Variants in ATF2 observed in about 807,000 individuals in gnomAD.
The protein encoded by ATF2 is activating transcription factor 2.
ATF2 carries 24 observed loss-of-function variants against 60.6 expected under a neutral mutation model. That is an observed-to-expected ratio of 0.40 (90% CI 0.29 to 0.56). The LOEUF (loss-of-function observed/expected upper bound fraction) is 0.56, where lower values mean the gene tolerates loss of function less well. ATF2 is among the 20% of genes least tolerant of loss of function. ATF2 has a pLI of 0.54. For synonymous variants in ATF2, 206 were observed against 215.4 expected, an observed-to-expected ratio of 0.96 and a Z score of 0.38; for missense variants, 433 against 607.7, an observed-to-expected ratio of 0.71 and a Z score of 3.02.
chr2:175,128,338 T>TA (rs1264185348), intron 4 of ATF2, among the ~76,000 whole-genome samples: 4 of 152,106 alleles, frequency 2.6e-5, no homozygotes, highest in Admixed American at 2.6e-4. Context: ...CCATCTCTAC[T>TA]AAAAATACAA....
At chr2:175,094,916 T>G (rs924407115) in intron 11 of ATF2, among the ~76,000 whole-genome samples, 4 of 152,132 alleles carry the variant, frequency 2.6e-5, no homozygotes, top group Non-Finnish European at 4.4e-5. Flanking sequence ...GTACTCCGCA[T>G]GGGCAACAGA....
At chr2:175,119,584 A>G (rs1176734356) in intron 5 of ATF2, among the ~76,000 whole-genome samples, 1 of 151,628 alleles carries the variant, frequency 6.6e-6, no homozygotes, top group Non-Finnish European at 1.5e-5. Flanking sequence ...AGGCACTGTT[A>G]GTAATATCAG....
chr2:175,091,161 T>C (rs2105581855), intron 12 of ATF2, among the ~76,000 whole-genome samples: 1 of 152,278 alleles, frequency 6.6e-6, no homozygotes, highest in South Asian at 2.1e-4. Context: ...ATAAGCCAAA[T>C]TACAAAGGAA....
chr2:175,119,429 T>C (rs912580477), intron 5 of ATF2, among the ~76,000 whole-genome samples: 3 of 151,624 alleles, frequency 2.0e-5, no homozygotes, highest in Non-Finnish European at 4.4e-5. Context: ...AACCATTATG[T>C]CCCCACAGAG....
chr2:175,139,919 T>G (rs543040220), intron 2 of ATF2, among the ~76,000 whole-genome samples: 2 of 152,020 alleles, frequency 1.3e-5, no homozygotes, highest in East Asian at 3.9e-4. Context: ...TACTCACTCA[T>G]GAACATAAAG....
At chr2:175,083,745 T>C (rs1693934607) in intron 12 of ATF2, among the ~76,000 whole-genome samples, 1 of 152,148 alleles carries the variant, frequency 6.6e-6, no homozygotes, top group South Asian at 2.1e-4. Context: ...AACCTACTTA[T>C]CTGACAAAGG....
chr2:175,110,058 C>T (rs71419419), intron 10 of ATF2, among the ~76,000 whole-genome samples: 5 of 152,052 alleles, frequency 3.3e-5, no homozygotes, highest in African/African-American at 7.2e-5. Flanking sequence ...TTTTTCAGGC[C>T]GGGTGTGGTG....
intron 10 of ATF2, among the ~76,000 whole-genome samples, chr2:175,107,717 C>T (rs1026245948): frequency 1.3e-5 from 2 of 152,216 alleles, no homozygotes; most frequent in African/African-American, 4.8e-5. Context: ...AGGCGCGCGC[C>T]GCCACGCCTG....
At chr2:175,092,639 C>A (rs781113515) in intron 12 of ATF2, 1 of 434,384 alleles carries the variant, frequency 2.3e-6, no homozygotes, top group South Asian at 1.8e-5. Context: ...CAAAACAGAA[C>A]AAAATTTATA....
At chr2:175,107,894 A>G (rs1228809482) in intron 10 of ATF2, among the ~76,000 whole-genome samples, 5 of 152,174 alleles carry the variant, frequency 3.3e-5, no homozygotes, top group Non-Finnish European at 7.3e-5. Context: ...GCTGGAGTGC[A>G]GTGGCGTGAT....
chr2:175,106,987 T>C (rs560378410), intron 10 of ATF2, among the ~76,000 whole-genome samples: 1 of 151,970 alleles, frequency 6.6e-6, no homozygotes, highest in Non-Finnish European at 1.5e-5. Flanking sequence ...GAGCAATCTT[T>C]ACAAAAAAAT....
At chr2:175,140,863 G>A (rs1698458652) in intron 2 of ATF2, among the ~76,000 whole-genome samples, 1 of 148,966 alleles carries the variant, frequency 6.7e-6, no homozygotes, top group Admixed American at 6.7e-5. Context: ...CAGGCATGGT[G>A]GTATGTGCGT....
chr2:175,142,718 A>AGTGTGTGTGT lies in ATF2; in HGVS notation c.-43-6233_-43-6232insACACACACAC, dbSNP rs777398795. ...GAGAGAGAGAGAGAGAGAGAGAGAG[A>AGTGTGTGTGT]GAGTGTGTGTGTGTGTGTGTGTGTG... On this transcript the variant is annotated intron_variant, in intron 2 of 13. Coordinates refer to ENST00000264110, the MANE Select transcript of ATF2 (RefSeq NM_001880.4). Among the ~76,000 whole-genome samples the AGTGTGTGTGT allele has an allele frequency of 2.6e-5, 3 of 113,360 alleles. No individual in the cohort carries two copies. The East Asian group carries it at 8.3e-4, about 31-fold the overall frequency. The allele number at this position is 113,360 out of a possible 152,430, so 74.4% of individuals were successfully genotyped here.
At chr2:175,118,809 C>T (rs1490515341) in intron 5 of ATF2, among the ~76,000 whole-genome samples, 1 of 151,318 alleles carries the variant, frequency 6.6e-6, no homozygotes, top group Non-Finnish European at 1.5e-5. Flanking sequence ...TGTTCATACT[C>T]TATTATGAAA....
At chr2:175,118,983 G>T (rs1021621241) in intron 5 of ATF2, among the ~76,000 whole-genome samples, 1 of 151,624 alleles carries the variant, frequency 6.6e-6, no homozygotes, top group African/African-American at 2.4e-5. Context: ...AGGAATATGT[G>T]TGAGTCACAT....
chr2:175,076,567 C>T (rs924242357), intron 13 of ATF2, among the ~76,000 whole-genome samples: 21 of 152,036 alleles, frequency 1.4e-4, no homozygotes, highest in African/African-American at 5.1e-4. Context: ...TCCTTCACCC[C>T]CCTACTTTTC....
intron 10 of ATF2, among the ~76,000 whole-genome samples, chr2:175,108,296 G>A (rs538006049): frequency 6.6e-6 from 1 of 151,680 alleles, no homozygotes; most frequent in Non-Finnish European, 1.5e-5. Flanking sequence ...TCTCCGTCCG[G>A]CAGCCACCCC....
intron 3 of ATF2, among the ~76,000 whole-genome samples, chr2:175,133,674 T>C (rs900817080): frequency 1.3e-5 from 2 of 152,168 alleles, no homozygotes; most frequent in Non-Finnish European, 2.9e-5. Flanking sequence ...GAATTCTATC[T>C]CACATTATAC....
At chr2:175,081,037 A>G (rs1693721692) in intron 12 of ATF2, among the ~76,000 whole-genome samples, 1 of 152,152 alleles carries the variant, frequency 6.6e-6, no homozygotes, top group African/African-American at 2.4e-5. Context: ...CTTCTTATAT[A>G]TTATTGGTGA....
Sources: gnomAD v4.1 joint callset for allele counts (sites outside exome capture counted in the v4.1 genomes callset) on GRCh38, gnomAD v4.1.1 for gene constraint, MANE v1.5 for transcripts, NCBI Gene and HGNC (gene_info 2026-07-23, HGNC 2026-07-21) for gene names.